MACROD2: variants seen among roughly 807,000 people sequenced by gnomAD.
The protein encoded by MACROD2 is mono-ADP ribosylhydrolase 2.
In MACROD2, 36 loss-of-function variants were observed where a neutral mutation model predicts 70.4. The observed-to-expected ratio is 0.51, with a 90% CI of 0.39 to 0.68. The LOEUF is 0.68. Ranked by LOEUF, MACROD2 falls within the 30% of genes least tolerant of loss-of-function variation. MACROD2 has a pLI of 0.00. For missense variants in MACROD2, 496 were observed against 538.4 expected (o/e 0.92, Z 0.78); for synonymous variants, 172 against 178.8 (o/e 0.96, Z 0.30).
intron 6 of MACROD2, among the ~76,000 whole-genome samples, chr20:15,400,905 G>A (rs986877509): frequency 8.5e-5 from 13 of 152,192 alleles, no homozygotes; most frequent in African/African-American, 2.9e-4. Flanking sequence ...CCATGAGGGA[G>A]GGAAGAGAAA....
At chr20:14,778,294 C>T (rs960126358) in intron 5 of MACROD2, among the ~76,000 whole-genome samples, 5 of 152,094 alleles carry the variant, frequency 3.3e-5, no homozygotes, top group Admixed American at 1.3e-4. Flanking sequence ...TCTGTCATTG[C>T]GCCCTGTCCG....
intron 6 of MACROD2, among the ~76,000 whole-genome samples, chr20:15,233,033 C>T (rs1168889596): frequency 6.6e-6 from 1 of 151,830 alleles, no homozygotes; most frequent in Non-Finnish European, 1.5e-5. Flanking sequence ...AAATGTGACT[C>T]CATCTTATGA....
chr20:15,326,601 G>C (rs2423923), intron 6 of MACROD2, among the ~76,000 whole-genome samples: 101,779 of 151,974 alleles, frequency 0.67, 34,706 homozygotes, highest in African/African-American at 0.8. Context: ...TGGCTATCAC[G>C]CATCTATCTT....
intron 5 of MACROD2, among the ~76,000 whole-genome samples, chr20:15,015,552 C>A (rs1397964231): frequency 6.6e-6 from 1 of 151,854 alleles, no homozygotes; most frequent in African/African-American, 2.4e-5. Flanking sequence ...ATTTCCTTGC[C>A]AGTTAATGTT....
chr20:14,064,290 T>C (rs2053728774), intron 2 of MACROD2, among the ~76,000 whole-genome samples: 1 of 152,190 alleles, frequency 6.6e-6, no homozygotes, highest in Non-Finnish European at 1.5e-5. Flanking sequence ...TGTACCTATG[T>C]TGATCTCACC....
chr20:15,963,077 C>A (rs1390090142), intron 12 of MACROD2, among the ~76,000 whole-genome samples: 1 of 152,170 alleles, frequency 6.6e-6, no homozygotes, highest in African/African-American at 2.4e-5. Flanking sequence ...AATTGCTCCA[C>A]ATAATAAGCC....
At chr20:14,367,167 G>A (rs1428891012) in intron 3 of MACROD2, among the ~76,000 whole-genome samples, 1 of 152,086 alleles carries the variant, frequency 6.6e-6, no homozygotes, top group Non-Finnish European at 1.5e-5. Context: ...GGATATCAAA[G>A]TTCTGTTTCT....
intron 3 of MACROD2, among the ~76,000 whole-genome samples, chr20:14,389,229 G>A (rs1167964716): frequency 1.3e-5 from 2 of 151,268 alleles, no homozygotes; most frequent in Non-Finnish European, 1.5e-5. Context: ...AGAGACCAGC[G>A]TAGCCAACAG....
chr20:15,649,985 G>A (rs1216734175), intron 8 of MACROD2, among the ~76,000 whole-genome samples: 1 of 152,094 alleles, frequency 6.6e-6, no homozygotes, highest in African/African-American at 2.4e-5. Flanking sequence ...ACATACCCAT[G>A]ACTATTTAAA....
At chr20:14,758,976 C>T (rs1172424286) in intron 5 of MACROD2, among the ~76,000 whole-genome samples, 1 of 152,078 alleles carries the variant, frequency 6.6e-6, no homozygotes, top group East Asian at 1.9e-4. Context: ...CTATGCTCTC[C>T]ATCTTACTCT....
chr20:15,801,117 C>G (rs937184565), intron 8 of MACROD2, among the ~76,000 whole-genome samples: 2 of 149,474 alleles, frequency 1.3e-5, no homozygotes, highest in African/African-American at 5.0e-5. Context: ...ATCTGCTGAC[C>G]TTCCCTCCAC....
intron 6 of MACROD2, among the ~76,000 whole-genome samples, chr20:15,323,658 A>T (rs1184363123): frequency 6.6e-6 from 1 of 152,050 alleles, no homozygotes; most frequent in Non-Finnish European, 1.5e-5. Flanking sequence ...CCCCTCCATC[A>T]TCTTGCATTC....
chr20:15,631,867 G>A (rs879261294), intron 8 of MACROD2, among the ~76,000 whole-genome samples: 1 of 152,184 alleles, frequency 6.6e-6, no homozygotes, highest in Non-Finnish European at 1.5e-5. Context: ...GCTGGGCATG[G>A]TGGCTCACGC....
intron 8 of MACROD2, among the ~76,000 whole-genome samples, chr20:15,578,141 A>T (rs537920605): frequency 6.6e-6 from 1 of 152,314 alleles, no homozygotes; most frequent in African/African-American, 2.4e-5. Flanking sequence ...TAATCTGGAA[A>T]GTCTGAGTTG....
intron 6 of MACROD2, among the ~76,000 whole-genome samples, chr20:15,342,196 T>C (rs1362082472): frequency 6.6e-6 from 1 of 152,198 alleles, no homozygotes; most frequent in Non-Finnish European, 1.5e-5. Flanking sequence ...ATTTACAAAA[T>C]GTTGGTGAAC....
In MACROD2 at chr20:15,069,602, G is replaced by A. The variant is rs141567152; in HGVS notation, c.419-160338G>A. ...TCAGGACACTGCTCCCTGGATCCACGCTAGCAGTGCTGTAGCTTCAGCTAT... is the reference window on the plus strand; with the variant it reads ...TCAGGACACTGCTCCCTGGATCCACACTAGCAGTGCTGTAGCTTCAGCTAT... On this transcript the variant is annotated intron_variant, in intron 5 of 17. Transcript: ENST00000684519. 9.9e-4 allele frequency among the ~76,000 whole-genome samples: 151 copies of A among 152,330 alleles called. 3 individuals carry two copies. In the East Asian group the frequency reaches 0.026, roughly 27 times the overall value.
chr20:15,603,017 G>T (rs1213396106), intron 8 of MACROD2, among the ~76,000 whole-genome samples: 1 of 152,018 alleles, frequency 6.6e-6, no homozygotes, highest in Non-Finnish European at 1.5e-5. Context: ...GGGTGTGAGT[G>T]AGGGCATGTG....
intron 15 of MACROD2, among the ~76,000 whole-genome samples, chr20:15,994,860 T>A (rs1387560802): frequency 6.6e-6 from 1 of 152,224 alleles, no homozygotes; most frequent in East Asian, 1.9e-4. Context: ...AATGCATATA[T>A]GGGTATGATA....
intron 3 of MACROD2, among the ~76,000 whole-genome samples, chr20:14,349,905 C>G (rs1447677133): frequency 6.6e-6 from 1 of 150,668 alleles, no homozygotes; most frequent in Non-Finnish European, 1.5e-5. Flanking sequence ...TGCACCACCA[C>G]GCCCGGCTAA....
Sources: allele counts gnomAD v4.1 joint callset (sites outside exome capture counted in the v4.1 genomes callset), GRCh38; gene constraint gnomAD v4.1.1; transcripts MANE v1.5; gene names NCBI Gene and HGNC (gene_info 2026-07-23, HGNC 2026-07-21).